The following ENOX1 variants were observed in gnomAD, a reference collection of about 807,000 sequenced individuals.
ENOX1 encodes ecto-NOX disulfide-thiol exchanger 1, also known as candidate growth-related and time keeping constitutive hydroquinone (NADH) oxidase.
A neutral mutation model predicts 82.5 loss-of-function variants in ENOX1; 42 were observed. The ratio of observed to expected loss-of-function variants is 0.51; its 90% confidence interval spans 0.40 to 0.66. ENOX1 has a LOEUF of 0.66. Ranked by LOEUF, ENOX1 falls within the 30% of genes least tolerant of loss-of-function variation. The pLI, the probability that ENOX1 is intolerant of heterozygous loss-of-function variation, is 0.00. For missense variants in ENOX1, 608 were observed against 811.6 expected, an observed-to-expected ratio of 0.75 and a Z score of 3.05; for synonymous variants, 271 against 282.2, an observed-to-expected ratio of 0.96 and a Z score of 0.40.
Position 43,319,086 on chromosome 13 carries a change from T to C in ENOX1, c.1261+3298A>G, listed in dbSNP as rs114335983. ...GGAAGAACAGATCTGGATTTTAAAGTCTGGCTTCATTTCAGTAGGAGGCAG... is the reference window on the plus strand; with the variant it reads ...GGAAGAACAGATCTGGATTTTAAAGCCTGGCTTCATTTCAGTAGGAGGCAG... On this transcript the variant is annotated intron_variant, in intron 11 of 16. Coordinates refer to ENST00000690772, the MANE Select transcript of ENOX1 (RefSeq NM_001347969.2). Among the ~76,000 whole-genome samples, 426 of 152,212 alleles carry C rather than the reference T, an allele frequency of 2.8e-3. 3 individuals carry two copies. The highest frequency in any genetic ancestry group is 9.8e-3 in the African/African-American group (408 of 41,520).
chr13:43,706,044 T>TAAAC (rs1594489118), intron 1 of ENOX1, among the ~76,000 whole-genome samples: 1 of 152,082 alleles, frequency 6.6e-6, no homozygotes, highest in East Asian at 1.9e-4. Context: ...ATATTCCTTC[T>TAAAC]AAACAATCCA....
intron 2 of ENOX1, among the ~76,000 whole-genome samples, chr13:43,500,585 G>C (rs981023152): frequency 6.6e-6 from 1 of 151,898 alleles, no homozygotes; most frequent in African/African-American, 2.4e-5. Context: ...AGTGTGAAAG[G>C]GAGTTCTTCA....
rs1251873408 is a variant in ENOX1 at position 43,416,275 on chromosome 13, C to T, written c.-74-3287G>A. Among the ~76,000 whole-genome samples the T allele has an allele frequency of 1.9e-3, 267 of 139,412 alleles. 1 individual carries two copies. The highest frequency in any genetic ancestry group is 3.0e-3 in the African/African-American group (111 of 36,582). 91.5% of individuals were successfully genotyped at this position (139,412 alleles called of 152,430 possible). ...GCAGAGGTGCTCCCCATCTCCCAGA[C>T]GGGGCGGCCGGGCAGAGATGCTCCC... On this transcript the variant is annotated intron_variant, in intron 3 of 16. Transcript: ENST00000690772.
At chr13:43,259,202 G>T (rs1347965772) in intron 14 of ENOX1, among the ~76,000 whole-genome samples, 1 of 152,186 alleles carries the variant, frequency 6.6e-6, no homozygotes, top group Non-Finnish European at 1.5e-5. Context: ...ATGGCTTAGG[G>T]TCACTCAGAT....
At chr13:43,607,813 T>C (rs1329722845) in intron 2 of ENOX1, among the ~76,000 whole-genome samples, 1 of 152,168 alleles carries the variant, frequency 6.6e-6, no homozygotes, top group East Asian at 1.9e-4. Context: ...TTTGGAATCT[T>C]CAGAGGTATG....
intron 9 of ENOX1, among the ~76,000 whole-genome samples, chr13:43,341,745 C>T (rs1300329544): frequency 6.6e-6 from 1 of 152,116 alleles, no homozygotes; most frequent in Non-Finnish European, 1.5e-5. Flanking sequence ...AAAATTCTTC[C>T]TAGTAGCCAT....
chr13:43,455,850 C>A (rs1279742439), intron 3 of ENOX1, among the ~76,000 whole-genome samples: 4 of 151,894 alleles, frequency 2.6e-5, no homozygotes, highest in African/African-American at 9.7e-5. Flanking sequence ...TGCCTGCCAC[C>A]CTGTAAGATG....
At chr13:43,748,690 T>C (rs888369779) in intron 1 of ENOX1, among the ~76,000 whole-genome samples, 4 of 152,144 alleles carry the variant, frequency 2.6e-5, no homozygotes, top group African/African-American at 7.2e-5. Flanking sequence ...AATTAAATAA[T>C]ACATGCAAAA....
At chr13:43,541,173 G>GTCTTTTTTTTTTTTT (rs1555317901) in intron 2 of ENOX1, among the ~76,000 whole-genome samples, 1 of 64,574 alleles carries the variant, frequency 1.5e-5, no homozygotes, top group Non-Finnish European at 3.2e-5. Context: ...TCTTCCCTCT[G>GTCTTTTTTTTTTTTT]TTTTTTTTTT....
intron 1 of ENOX1, among the ~76,000 whole-genome samples, chr13:43,723,408 A>T (rs754230810): frequency 2.0e-5 from 3 of 152,190 alleles, no homozygotes; most frequent in Non-Finnish European, 2.9e-5. Flanking sequence ...AAAATTACTC[A>T]GGAGCCTTGT....
intron 14 of ENOX1, among the ~76,000 whole-genome samples, chr13:43,252,952 T>C (rs750826959): frequency 6.6e-6 from 1 of 152,222 alleles, no homozygotes; most frequent in Non-Finnish European, 1.5e-5. Context: ...TCCAGTTTGT[T>C]GTGGGAAATT....
chr13:43,523,210 A>G (rs972305179), intron 2 of ENOX1, among the ~76,000 whole-genome samples: 2 of 152,146 alleles, frequency 1.3e-5, no homozygotes, highest in East Asian at 3.9e-4. Flanking sequence ...TGAGGTGCAT[A>G]TTAAAAACCC....
chr13:43,641,440 G>A (rs1197057884), intron 2 of ENOX1, among the ~76,000 whole-genome samples: 1 of 151,570 alleles, frequency 6.6e-6, no homozygotes, highest in Non-Finnish European at 1.5e-5. Context: ...TGCCCCCAAG[G>A]CCCTTGAGTC....
chr13:43,423,069 C>T (rs1406820175), intron 3 of ENOX1, among the ~76,000 whole-genome samples: 1 of 152,156 alleles, frequency 6.6e-6, no homozygotes, highest in African/African-American at 2.4e-5. Context: ...CTACTGTATG[C>T]AGTTTTAAAG....
intron 12 of ENOX1, among the ~76,000 whole-genome samples, chr13:43,277,933 G>T (rs1308150809): frequency 6.6e-6 from 1 of 152,174 alleles, no homozygotes; most frequent in Non-Finnish European, 1.5e-5. Flanking sequence ...AGATTTGAGG[G>T]CCTAAGTCTG....
chr13:43,527,352 T>G (rs200127284), intron 2 of ENOX1, among the ~76,000 whole-genome samples: 2 of 152,114 alleles, frequency 1.3e-5, no homozygotes, highest in African/African-American at 4.8e-5. Context: ...AACAACTACA[T>G]AGGCAGCTGT....
At chr13:43,570,801 A>G (rs1246487962) in intron 2 of ENOX1, among the ~76,000 whole-genome samples, 6 of 152,146 alleles carry the variant, frequency 3.9e-5, no homozygotes, top group African/African-American at 1.4e-4. Flanking sequence ...AGGTGTGGTG[A>G]GAAGGAATCA....
chr13:43,300,361 GAATGAATA>G (rs1267112259), intron 11 of ENOX1, among the ~76,000 whole-genome samples: 1 of 152,088 alleles, frequency 6.6e-6, no homozygotes, highest in East Asian at 1.9e-4. Flanking sequence ...AATGTTGGTT[GAATGAATA>G]AATGAATAAA....
chr13:43,409,539 G>A (rs1038888608), intron 5 of ENOX1, among the ~76,000 whole-genome samples: 3 of 152,160 alleles, frequency 2.0e-5, no homozygotes, highest in African/African-American at 4.8e-5. Flanking sequence ...GTTCCATGAA[G>A]TAGATATGAT....
Sources: gnomAD v4.1 joint callset for allele counts (sites outside exome capture counted in the v4.1 genomes callset) on GRCh38, gnomAD v4.1.1 for gene constraint, MANE v1.5 for transcripts, NCBI Gene and HGNC (gene_info 2026-07-23, HGNC 2026-07-21) for gene names.